Variants in SNTG2 observed in about 807,000 individuals in gnomAD.
SNTG2 encodes syntrophin gamma 2.
In SNTG2, 74 loss-of-function variants were observed where a neutral mutation model predicts 70.9. The observed-to-expected ratio is 1.04, with a 90% CI of 0.86 to 1.27. SNTG2 has a LOEUF of 1.27. SNTG2 is among the 50% of genes most tolerant of loss of function. The pLI, the probability that SNTG2 is intolerant of heterozygous loss-of-function variation, is 0.00. For synonymous variants in SNTG2, 278 were observed against 273.8 expected (o/e 1.02, Z -0.15); for missense variants, 717 against 690.7 (o/e 1.04, Z -0.43).
intron 6 of SNTG2, among the ~76,000 whole-genome samples, chr2:1,145,882 A>G (rs897481207): frequency 6.6e-6 from 1 of 152,248 alleles, no homozygotes; most frequent in Non-Finnish European, 1.5e-5. Flanking sequence ...TTTTGCAGCT[A>G]TGCAAGACTA....
At chr2:1,082,496 A>G (rs568448740) in intron 1 of SNTG2, among the ~76,000 whole-genome samples, 31 of 152,292 alleles carry the variant, frequency 2.0e-4, no homozygotes, top group African/African-American at 7.5e-4. Context: ...CTCTGCCCTC[A>G]TGTATGGCTC....
chr2:1,198,512 T>A, intron 8 of SNTG2, among the ~76,000 whole-genome samples: 1 of 147,438 alleles, frequency 6.8e-6, no homozygotes, highest in South Asian at 2.1e-4. Flanking sequence ...GCCTAAAGAA[T>A]GGGAAAACAA....
At chr2:1,262,653 T>TCCGTCCAGACGAGGC in intron 13 of SNTG2, among the ~76,000 whole-genome samples, 1 of 114,268 alleles carries the variant, frequency 8.8e-6, no homozygotes, top group Middle Eastern at 4.9e-3. Context: ...CCAGACGTAG[T>TCCGTCCAGACGAGGC]AACCGGAAGG....
chr2:1,171,141 T>C (rs556532172), intron 7 of SNTG2, among the ~76,000 whole-genome samples: 11 of 152,296 alleles, frequency 7.2e-5, no homozygotes, highest in African/African-American at 2.2e-4. Context: ...ATTCTTGATA[T>C]TGGGTTTTAA....
At chr2:999,371 A>G (rs546174125) in intron 1 of SNTG2, among the ~76,000 whole-genome samples, 6 of 152,192 alleles carry the variant, frequency 3.9e-5, no homozygotes, top group African/African-American at 1.2e-4. Flanking sequence ...CAACAACAAC[A>G]TTATTCAACC....
At position 1,215,845 on chromosome 2, in the gene SNTG2, G is replaced by T. The variant is rs1674356156; in HGVS notation, c.719+6615G>T. Among the ~76,000 whole-genome samples, 2 of 151,922 alleles carry T rather than the reference G, an allele frequency of 1.3e-5. 1 individual carries two copies. The highest frequency in any genetic ancestry group is 4.2e-4 in the South Asian group (2 of 4,814). ...TTGTGATAGTTTGCTGAGAATGATG[G>T]TTTCCAGCTTCATCCATGTCCCTAC... is the stretch of plus-strand genomic sequence containing the variant. On this transcript the variant is annotated intron_variant, in intron 9 of 16. Transcript: ENST00000308624.
intron 1 of SNTG2, 58 bp downstream of exon 1, chr2:951,126 C>T: frequency 1.3e-6 from 1 of 744,056 alleles, no homozygotes; most frequent in Non-Finnish European, 1.8e-6. Flanking sequence ...CTCCTTCGCG[C>T]CCTTCTCCCC....
intron 8 of SNTG2, among the ~76,000 whole-genome samples, chr2:1,184,908 G>A (rs555788166): frequency 6.6e-6 from 1 of 152,230 alleles, no homozygotes; most frequent in East Asian, 1.9e-4. Flanking sequence ...ACTCATGTCA[G>A]CATTAACTCA....
chr2:1,251,453 T>A (rs547322193), intron 12 of SNTG2, among the ~76,000 whole-genome samples: 26 of 114,260 alleles, frequency 2.3e-4, no homozygotes, highest in South Asian at 3.0e-4. Flanking sequence ...CACCACACAC[T>A]ACACACACCA....
intron 14 of SNTG2, among the ~76,000 whole-genome samples, chr2:1,283,546 G>C (rs961264908): frequency 6.6e-6 from 1 of 152,140 alleles, no homozygotes; most frequent in Non-Finnish European, 1.5e-5. Flanking sequence ...TGCCAGGCTT[G>C]TCTGAGGACC....
chr2:1,155,862 AG>A (rs746532802), intron 6 of SNTG2, among the ~76,000 whole-genome samples: 2 of 152,116 alleles, frequency 1.3e-5, no homozygotes, highest in Non-Finnish European at 2.9e-5. Context: ...GTGAGTGTGT[AG>A]GGGTGATGGC....
In SNTG2 at chr2:1,308,557, G is replaced by T. The variant is rs1270208572; in HGVS notation, c.1348G>T (p.Gly450Ter). Residue 450 changes from glycine to a stop codon, truncating the protein, a stop_gained, in exon 15 of 17, where the codon GGA becomes TGA. Transcript: ENST00000308624. LOFTEE classifies it high-confidence loss of function. ...MLCFTVDFAL[G>*]FTCFESKTKN... ...GTGTTTCACGGTGGATTTCGCGTTG[G>T]GATTTACCTGTTTTGAGAGTAAGAC... The T allele has an allele frequency of 7.7e-6, 12 of 1,551,516 alleles. No homozygotes were observed. The highest frequency in any genetic ancestry group is 1.0e-5 in the Non-Finnish European group (12 of 1,146,994).
At chr2:1,226,348 G>A (rs1010793084) in intron 9 of SNTG2, among the ~76,000 whole-genome samples, 2 of 152,138 alleles carry the variant, frequency 1.3e-5, no homozygotes, top group Non-Finnish European at 2.9e-5. Context: ...TGTACATGGC[G>A]CCCATTCTGC....
rs112673443 is a variant in SNTG2, at chr2:1,097,898, T to C, written c.211-298T>C. Among the ~76,000 whole-genome samples the C allele has an allele frequency of 2.3e-3, 344 of 151,866 alleles. No individual in the cohort carries two copies. Among genetic ancestry groups the C allele is most frequent in the African/African-American group, 8.0e-3 (331 of 41,454 alleles). On this transcript the variant is annotated intron_variant, in intron 2 of 16. Coordinates refer to ENST00000308624, the MANE Select transcript of SNTG2 (RefSeq NM_018968.4). The surrounding 1 kb of genome is among the most constrained non-coding windows in gnomAD (Gnocchi z 4.1). ...AGAAGGTGGACCCCTCGTTTCTTCA[T>C]GGAGCTCCGTTCCTCACAAGCAGAA...
At chr2:1,204,816 CG>C (rs1673525521) in intron 8 of SNTG2, among the ~76,000 whole-genome samples, 2 of 152,092 alleles carry the variant, frequency 1.3e-5, no homozygotes, top group Admixed American at 6.5e-5. Flanking sequence ...TTTGGTACTA[CG>C]CACAGTTTTC....
intron 1 of SNTG2, among the ~76,000 whole-genome samples, chr2:1,027,598 G>A (rs112113702): frequency 3.8e-3 from 276 of 72,192 alleles, no homozygotes; most frequent in East Asian, 7.1e-3. Flanking sequence ...GGTGCGTCTG[G>A]CCCACAGACA....
At chr2:1,235,840 G>C (rs775154388) in intron 9 of SNTG2, among the ~76,000 whole-genome samples, 2 of 152,238 alleles carry the variant, frequency 1.3e-5, no homozygotes, top group African/African-American at 4.8e-5. Flanking sequence ...ATGGGACACA[G>C]GGAACTTTTG....
intron 4 of SNTG2, among the ~76,000 whole-genome samples, chr2:1,130,924 A>G (rs1187276993): frequency 6.6e-6 from 1 of 152,246 alleles, no homozygotes; most frequent in Non-Finnish European, 1.5e-5. Flanking sequence ...GCCTATCATC[A>G]ATACCATAGT....
intron 13 of SNTG2, 67 bp from the exon 14 acceptor site, chr2:1,267,298 C>T (rs1678792621): frequency 9.7e-6 from 14 of 1,449,252 alleles, no homozygotes; most frequent in African/African-American, 1.4e-5. Flanking sequence ...TCTCCCCACA[C>T]CAGGGCCCTC....
Sources: gnomAD v4.1 joint callset for allele counts (sites outside exome capture counted in the v4.1 genomes callset) on GRCh38, gnomAD v4.1.1 for gene constraint, Gnocchi (gnomAD v3.1) non-coding constraint, MANE v1.5 for transcripts, NCBI Gene and HGNC (gene_info 2026-07-23, HGNC 2026-07-21) for gene names.